Variants in ITPR3 observed in about 807,000 individuals in gnomAD.
ITPR3 encodes the protein inositol 1,4,5-trisphosphate receptor type 3.
In ITPR3, 173 loss-of-function variants were observed where a neutral mutation model predicts 293.2. That is an observed-to-expected ratio of 0.59 (90% CI 0.52 to 0.67). The LOEUF is 0.67. Among genes scored for constraint, ITPR3 ranks in the 30% least tolerant of loss-of-function variants. The pLI, the probability that ITPR3 is intolerant of heterozygous loss-of-function variation, is 0.00. For missense variants in ITPR3, 2,796 were observed against 3,592.1 expected, an observed-to-expected ratio of 0.78 and a Z score of 5.66; for synonymous variants, 1,295 against 1,444.4, an observed-to-expected ratio of 0.90 and a Z score of 2.35.
chr6:33,665,340 G>A, intron 13 of ITPR3, 127 bp downstream of exon 13: 3 of 1,294,274 alleles, frequency 2.3e-6, no homozygotes, highest in Non-Finnish European at 3.2e-6. Flanking sequence ...TGGCCCCTGT[G>A]GGGCCCTGGC....
In ITPR3 at chr6:33,633,597, G is replaced by GC. The variant is rs1323817919; in HGVS notation, c.90-6882dup. ...GGCGCAGCGGCACATCACCCGCCCC[G>GC]CCCCCGGGCGCGTCTGGCGGAGGCG... On this transcript the variant is annotated intron_variant, in intron 1 of 57. Transcript: ENST00000605930. The surrounding 1 kb of genome is among the most constrained non-coding windows in gnomAD (Gnocchi z 5.2). Among the ~76,000 whole-genome samples the GC allele has an allele frequency of 1.3e-5, 2 of 151,644 alleles. No homozygotes were observed. Among genetic ancestry groups the GC allele is most frequent in the Non-Finnish European group, 2.9e-5 (2 of 67,840 alleles).
Position 33,687,714 on chromosome 6 carries a change from T to A in ITPR3, c.6264+150T>A. ...TACAGCTCAGGGGGCTGATTGGGAC[T>A]GGCAGCCGTGGGTGAAACCCAGACA... On this transcript the variant is annotated intron_variant, in intron 46 of 57. Coordinates refer to ENST00000605930, the MANE Select transcript of ITPR3 (RefSeq NM_002224.4). The surrounding 1 kb of genome is among the most constrained non-coding windows in gnomAD (Gnocchi z 5.3). 1.5e-6 allele frequency: 1 copy of A among 683,990 alleles called. No individual in the cohort carries two copies. Among genetic ancestry groups the A allele is most frequent in the Non-Finnish European group, 2.5e-6 (1 of 400,534 alleles). 42.4% of individuals were successfully genotyped at this position (683,990 alleles called of 1,614,324 possible). A position where few individuals can be genotyped will look rare whatever the true frequency, so the allele number is the denominator to read the frequency against.
intron 1 of ITPR3, among the ~76,000 whole-genome samples, chr6:33,623,016 G>A (rs950969320): frequency 6.6e-6 from 1 of 152,140 alleles, no homozygotes; most frequent in Non-Finnish European, 1.5e-5. Context: ...CTTCTTCCCA[G>A]CTCCCTAGAG....
At chr6:33,686,680 G>T (rs773265902) in intron 43 of ITPR3, among the ~76,000 whole-genome samples, 161 bp downstream of exon 43, 1 of 152,202 alleles carries the variant, frequency 6.6e-6, no homozygotes, top group African/African-American at 2.4e-5. Context: ...TGTGTGCAGG[G>T]TGTGTGTGTA....
At chr6:33,681,864 G>C (rs1011103724) in intron 33 of ITPR3, among the ~76,000 whole-genome samples, 1 of 152,104 alleles carries the variant, frequency 6.6e-6, no homozygotes, top group Non-Finnish European at 1.5e-5. Context: ...GGTGATGGGG[G>C]AGAGACTTCT....
chr6:33,695,823 A>G lies in ITPR3; in HGVS notation c.*43A>G. 4 of 1,594,718 alleles carry G rather than the reference A, an allele frequency of 2.5e-6. No individual in the cohort carries two copies. The highest frequency in any genetic ancestry group is 3.4e-6 in the Non-Finnish European group (4 of 1,162,808). ...CCCAACAGGGGATGCTCATCACTGG[A>G]GACTGCGACTGGGAAGAACACTGCC... On this transcript the variant is annotated 3_prime_UTR_variant, in exon 58 of 58. Coordinates refer to ENST00000605930, the MANE Select transcript of ITPR3 (RefSeq NM_002224.4).
In ITPR3 at chr6:33,686,253, G is replaced by T; in HGVS notation, c.5868G>T (p.Gln1956His). Residue 1956 changes from glutamine to histidine, a missense_variant and splice_region_variant, in exon 42 of 58, where the codon CAG becomes CAT. Physicochemically the swap from Gln to His is conservative, Grantham distance 24. Transcript: ENST00000605930. ...EYCQGPCHEN[Q>H]TCIVTHESNG... Reference sequence around the variant, plus strand: ...GCCAGGGCCCCTGCCATGAGAACCAGGTGAGCTGTCCTGGTGGCATAAGTG... The same window carrying T: ...GCCAGGGCCCCTGCCATGAGAACCATGTGAGCTGTCCTGGTGGCATAAGTG... 1 of 1,613,434 alleles carries T rather than the reference G, an allele frequency of 6.2e-7. No individual in the cohort carries two copies. Among genetic ancestry groups the T allele is most frequent in the Non-Finnish European group, 8.5e-7 (1 of 1,179,784 alleles).
chr6:33,677,937 C>A (rs982247549), intron 28 of ITPR3, among the ~76,000 whole-genome samples: 1 of 152,296 alleles, frequency 6.6e-6, no homozygotes, highest in South Asian at 2.1e-4. Flanking sequence ...AGCTTCATCT[C>A]AACCTTTGAC....
At chr6:33,677,142 G>A in intron 27 of ITPR3, 53 bp downstream of exon 27, 2 of 1,532,890 alleles carry the variant, frequency 1.3e-6, no homozygotes, top group East Asian at 2.3e-5. Flanking sequence ...GTGGTCCTGG[G>A]GGCTCCCGCT....
At chr6:33,648,255 G>A (rs994340165) in intron 2 of ITPR3, among the ~76,000 whole-genome samples, 3 of 151,884 alleles carry the variant, frequency 2.0e-5, no homozygotes, top group Admixed American at 6.6e-5. Flanking sequence ...TTGTAGAGAC[G>A]AGGTCTCACT....
rs780191202 is a variant in ITPR3, at chr6:33,685,485, G to C, written c.5434G>C (p.Gly1812Arg). Residue 1812 changes from glycine to arginine, a missense_variant, in exon 40 of 58, where the codon GGC (glycine) becomes CGC (arginine). Physicochemically the swap from Gly to Arg is moderately radical, Grantham distance 125 (BLOSUM62 -2). This residue lies in a region of ITPR3 where 704 missense variants were observed against 797.5 expected (regional missense o/e 0.88). Transcript: ENST00000605930. ...GGTGGCAGTCAACATGAATGACCTG[G>C]GCAGCCAGCCACATGAGGACCGCGA... Reference protein sequence around the residue: ...STVAVNMNDLGSQPHEDREPV... With the variant: ...STVAVNMNDLRSQPHEDREPV... 1 of 1,613,560 alleles carries C rather than the reference G, an allele frequency of 6.2e-7. No individual in the cohort carries two copies. Among genetic ancestry groups the C allele is most frequent in the Non-Finnish European group, 8.5e-7 (1 of 1,179,886 alleles).
Position 33,684,313 on chromosome 6 carries a change from A to G in ITPR3, c.4938-44A>G, listed in dbSNP as rs1765163799. The G allele has an allele frequency of 6.3e-7, 1 of 1,595,604 alleles. No individual in the cohort carries two copies. The highest frequency in any genetic ancestry group is 8.6e-7 in the Non-Finnish European group (1 of 1,164,116). Reference sequence around the variant, plus strand: ...ATGGGGTGGGGAAGTAGCTGGAGGGAGGCAGTGTGGGGCTGCCCTGAGCTG... The same window carrying G: ...ATGGGGTGGGGAAGTAGCTGGAGGGGGGCAGTGTGGGGCTGCCCTGAGCTG... On this transcript the variant is annotated intron_variant, in intron 36 of 57. Coordinates refer to ENST00000605930, the MANE Select transcript of ITPR3 (RefSeq NM_002224.4). The surrounding 1 kb of genome is among the most constrained non-coding windows in gnomAD (Gnocchi z 4.2).
rs572321976 is a variant in ITPR3, at chr6:33,671,290, C to G, written c.2712C>G (p.Ala904=). ...AGGGGCCCCCGGCCATGCTGCAGGC[C>G]TATGAGGACCCCGGTGGTGAGGCCT... The part of the protein sequence containing the change: ...CVQGPPAMLQ[A]YEDPGGKNVR... Residue 904 remains alanine (A), a synonymous_variant, in exon 21 of 58, where the codon GCC becomes GCG. Coordinates refer to ENST00000605930, the MANE Select transcript of ITPR3 (RefSeq NM_002224.4). 1.2e-6 allele frequency: 2 copies of G among 1,612,950 alleles called. No individual in the cohort carries two copies. The highest frequency in any genetic ancestry group is 2.7e-5 in the African/African-American group (2 of 75,058).
intron 50 of ITPR3, among the ~76,000 whole-genome samples, chr6:33,689,729 C>T (rs973595327): frequency 5.3e-5 from 8 of 152,356 alleles, no homozygotes; most frequent in Non-Finnish European, 1.0e-4. Context: ...AAGATTCATA[C>T]ATAATGACAA....
rs954370707 is a variant in ITPR3, at chr6:33,685,493, G to A, written c.5442G>A (p.Gln1814=). Residue 1814 remains glutamine, a synonymous_variant, in exon 40 of 58, where the codon CAG becomes CAA. Transcript: ENST00000605930. ...VAVNMNDLGS[Q]PHEDREPVDP... is the part of the protein sequence containing the mutation. The stretch of plus-strand genomic sequence containing the variant: ...TCAACATGAATGACCTGGGCAGCCA[G>A]CCACATGAGGACCGCGAGCCAGTCG... 1.9e-6 allele frequency: 3 copies of A among 1,613,168 alleles called. No homozygotes were observed. Among genetic ancestry groups the A allele is most frequent in the Non-Finnish European group, 1.7e-6 (2 of 1,179,788 alleles).
rs1221997840 is a variant in ITPR3, at chr6:33,686,124, C to T, written c.5739C>T (p.Ile1913=). ...LVCETLQFLD[I]MCGSTTGGLG... ...GCGAGACGCTGCAGTTCCTGGACAT[C>T]ATGTGCGGCAGCACCACGGGCGGCC... The change falls in exon 42 of 58, where the codon ATC becomes ATT. Residue 1913 remains isoleucine (I), a synonymous_variant. Transcript: ENST00000605930. 4 of 1,614,220 alleles carry T rather than the reference C, an allele frequency of 2.5e-6. No individual in the cohort carries two copies. In the South Asian group the frequency reaches 4.4e-5, roughly 18 times the overall value.
At position 33,680,348 on chromosome 6, in the gene ITPR3, A is replaced by G; in HGVS notation, c.4244A>G (p.Asn1415Ser). 1 of 1,613,640 alleles carries G rather than the reference A, an allele frequency of 6.2e-7. No individual in the cohort carries two copies. Among genetic ancestry groups the G allele is most frequent in the South Asian group, 1.1e-5 (1 of 91,076 alleles). The change falls in exon 32 of 58, where the codon AAC becomes AGC. Residue 1415 changes from asparagine to serine, a missense_variant. Around this residue, in one of 8 missense-constraint regions of ITPR3, gnomAD observed 344 missense variants for 460.3 expected, o/e 0.75. Transcript: ENST00000605930. ...CITEVKMAYV[N>S]FVNHCYVDTE... Reference sequence around the variant, plus strand: ...GCCCAGGTGAAAATGGCCTATGTGAACTTCGTGAACCACTGCTACGTGGAC... The same window carrying G: ...GCCCAGGTGAAAATGGCCTATGTGAGCTTCGTGAACCACTGCTACGTGGAC...
At chr6:33,642,586 C>G (rs1763975845) in intron 2 of ITPR3, among the ~76,000 whole-genome samples, 1 of 152,018 alleles carries the variant, frequency 6.6e-6, no homozygotes, top group Non-Finnish European at 1.5e-5. Flanking sequence ...AGTTTGGGGC[C>G]AATTTTTGAC....
chr6:33,640,605 G>T, intron 2 of ITPR3, 51 bp downstream of exon 2: 1 of 1,429,590 alleles, frequency 7.0e-7, no homozygotes, highest in Non-Finnish European at 9.6e-7. Context: ...GCAGGGTTCT[G>T]GACCTGCGAC....
Sources: allele counts gnomAD v4.1 joint callset (sites outside exome capture counted in the v4.1 genomes callset), GRCh38; gene constraint gnomAD v4.1.1; regional missense constraint gnomAD v4.1.1; non-coding constraint Gnocchi (gnomAD v3.1); transcripts MANE v1.5; gene names NCBI Gene and HGNC (gene_info 2026-07-23, HGNC 2026-07-21).